PLCE1: variants seen among roughly 807,000 people sequenced by gnomAD.
PLCE1 encodes the protein phospholipase C epsilon 1.
In PLCE1, 119 loss-of-function variants were observed where a neutral mutation model predicts 242.8. The ratio of observed to expected loss-of-function variants is 0.49; its 90% CI spans 0.42 to 0.57. The LOEUF (loss-of-function observed/expected upper bound fraction) is 0.57. PLCE1 is among the 20% of genes least tolerant of loss of function. PLCE1 has a pLI of 0.00. For synonymous variants in PLCE1, 945 were observed against 1,017.4 expected (o/e 0.93, Z 1.35); for missense variants, 2,441 against 2,788.8 (o/e 0.88, Z 2.81).
intron 7 of PLCE1, among the ~76,000 whole-genome samples, chr10:94,240,304 T>C (rs1198933148): frequency 6.6e-6 from 1 of 152,192 alleles, no homozygotes; most frequent in Non-Finnish European, 1.5e-5. Flanking sequence ...CTAAATTCTT[T>C]CCATATATTA....
At chr10:94,107,557 G>A (rs536163944) in intron 2 of PLCE1, 2 of 152,288 alleles carry the variant, frequency 1.3e-5, no homozygotes, top group East Asian at 1.9e-4. Flanking sequence ...ACTTCCAAAT[G>A]GGGCTAGTAA....
chr10:94,032,613 G>A (rs955342133), intron 2 of PLCE1, among the ~76,000 whole-genome samples: 2 of 152,000 alleles, frequency 1.3e-5, no homozygotes, highest in African/African-American at 4.8e-5. Context: ...TAGGTCTCCA[G>A]ACCTAACAGA....
chr10:94,199,492 C>G (rs1377535053), intron 4 of PLCE1, among the ~76,000 whole-genome samples: 8 of 152,186 alleles, frequency 5.3e-5, no homozygotes, highest in Non-Finnish European at 1.2e-4. Flanking sequence ...AAGTGCTATA[C>G]CCAAGTAAGA....
chr10:94,198,085 AG>A (rs1327271577), intron 4 of PLCE1, among the ~76,000 whole-genome samples: 5 of 149,464 alleles, frequency 3.3e-5, no homozygotes, highest in Admixed American at 2.7e-4. Context: ...AAAAAAAAAA[AG>A]ATATAATCTC....
At chr10:94,012,644 C>T (rs1361501253) in intron 1 of PLCE1, among the ~76,000 whole-genome samples, 1 of 152,162 alleles carries the variant, frequency 6.6e-6, no homozygotes, top group Non-Finnish European at 1.5e-5. Flanking sequence ...GACAGAGGTG[C>T]TGCAGTTAGC....
chr10:94,038,641 C>T (rs2061710867), intron 2 of PLCE1, among the ~76,000 whole-genome samples: 1 of 152,126 alleles, frequency 6.6e-6, no homozygotes, highest in Non-Finnish European at 1.5e-5. Context: ...AAAGCCAGTC[C>T]TTTGAAACAC....
intron 4 of PLCE1, among the ~76,000 whole-genome samples, chr10:94,188,589 G>A (rs1255417748): frequency 3.3e-5 from 5 of 152,038 alleles, no homozygotes; most frequent in Admixed American, 1.3e-4. Flanking sequence ...TGGTTTGTTC[G>A]TTTGTTTGTT....
At position 94,246,220 on chromosome 10, in the gene PLCE1, G is replaced by T. The variant is rs764378302; in HGVS notation, c.2695G>T (p.Ala899Ser). The T allele has an allele frequency of 6.2e-7, 1 of 1,614,112 alleles. No homozygotes were observed. The highest frequency in any genetic ancestry group is 8.5e-7 in the Non-Finnish European group (1 of 1,180,006). ...CTTGACCTGGGTAAAGCCCACAACT[G>T]CCTCCCCAGCCAGCAGTAAAGCAAA... ...STLTWVKPTT[A>S]SPASSKAKLG... The change falls in exon 8 of 33, where the codon GCC becomes TCC. Residue 899 changes from alanine (A) to serine (S), a missense_variant. Physicochemically the swap from Ala to Ser is moderately conservative, Grantham distance 99. Coordinates refer to ENST00000371380, the MANE Select transcript of PLCE1 (RefSeq NM_016341.4).
At chr10:94,068,080 G>C (rs2044246505) in intron 2 of PLCE1, among the ~76,000 whole-genome samples, 1 of 152,150 alleles carries the variant, frequency 6.6e-6, no homozygotes, top group Admixed American at 6.6e-5. Flanking sequence ...CAGAAGTGGG[G>C]CTCTGCCAGT....
At chr10:94,195,689 G>A (rs147417281) in intron 4 of PLCE1, among the ~76,000 whole-genome samples, 55 of 152,216 alleles carry the variant, frequency 3.6e-4, no homozygotes, top group African/African-American at 1.2e-3. Context: ...CCACCTGCTT[G>A]CAATAGTTTT....
intron 18 of PLCE1, 42 bp from the exon 19 acceptor site, chr10:94,273,520 G>T (rs1157111338): frequency 1.5e-5 from 24 of 1,548,678 alleles, no homozygotes; most frequent in Non-Finnish European, 2.1e-5. Context: ...ATCAATTATA[G>T]ATAAAAGGCA....
intron 2 of PLCE1, among the ~76,000 whole-genome samples, chr10:94,060,623 A>AT (rs1308338809): frequency 2.0e-5 from 3 of 151,132 alleles, no homozygotes; most frequent in Admixed American, 1.3e-4. Context: ...AGTAGGAAAT[A>AT]TTTTTTGCAG....
Position 94,328,919 on chromosome 10 carries a change from T to C in PLCE1, c.*976T>C, listed in dbSNP as rs563194590. 4.6e-5 allele frequency: 7 copies of C among 152,338 alleles called. No individual in the cohort carries two copies. The highest frequency in any genetic ancestry group is 1.4e-4 in the African/African-American group (6 of 41,568). 9.4% of individuals were successfully genotyped at this position (152,338 alleles called of 1,614,324 possible). On this transcript the variant is annotated 3_prime_UTR_variant, in exon 33 of 33. Coordinates refer to ENST00000371380, the MANE Select transcript of PLCE1 (RefSeq NM_016341.4). ...TAATTTAATATCTACTGAATTGCAA[T>C]GTCTTAACAAGAAACCTAACAATTT...
rs180968092 is a variant in PLCE1 at position 94,046,885 on chromosome 10, G to A, written c.1206+14633G>A. 2.6e-5 allele frequency among the ~76,000 whole-genome samples: 4 copies of A among 152,258 alleles called. No individual in the cohort carries two copies. In the East Asian group the frequency reaches 7.7e-4, roughly 29 times the overall value. On this transcript the variant is annotated intron_variant, in intron 2 of 32. Transcript: ENST00000371380. The stretch of plus-strand genomic sequence containing the variant: ...ATTAGTAGACTTTTATACGTTGAAT[G>A]TTAACATATGTTAACAAACACGTTA...
intron 2 of PLCE1, among the ~76,000 whole-genome samples, chr10:94,040,363 C>G (rs908944262): frequency 6.6e-6 from 1 of 152,008 alleles, no homozygotes; most frequent in African/African-American, 2.4e-5. Context: ...ATGTTGTTAT[C>G]TAAATTGTTT....
At chr10:94,137,976 C>T in intron 3 of PLCE1, 4 of 389,984 alleles carry the variant, frequency 1.0e-5, no homozygotes, top group Admixed American at 9.1e-5. Flanking sequence ...TCCATTCATC[C>T]TGATAACATG....
chr10:94,093,009 A>G (rs970311470), intron 2 of PLCE1, among the ~76,000 whole-genome samples: 1 of 152,208 alleles, frequency 6.6e-6, no homozygotes, highest in African/African-American at 2.4e-5. Flanking sequence ...TAGTAAATGA[A>G]CAGAATGTTC....
intron 4 of PLCE1, among the ~76,000 whole-genome samples, chr10:94,191,856 A>G (rs2136619316): frequency 6.6e-6 from 1 of 152,316 alleles, no homozygotes; most frequent in African/African-American, 2.4e-5. Flanking sequence ...GTTTCTTATA[A>G]CTGGAGAAAT....
intron 2 of PLCE1, among the ~76,000 whole-genome samples, chr10:94,080,014 A>G (rs1410202758): frequency 6.6e-6 from 1 of 152,236 alleles, no homozygotes; most frequent in Non-Finnish European, 1.5e-5. Context: ...AACTGTGTGC[A>G]GGACAGTTAA....
Sources: gnomAD v4.1 joint callset for allele counts (sites outside exome capture counted in the v4.1 genomes callset) on GRCh38, gnomAD v4.1.1 for gene constraint, MANE v1.5 for transcripts, NCBI Gene and HGNC (gene_info 2026-07-23, HGNC 2026-07-21) for gene names.